Variants in PLIN3 observed in about 807,000 individuals in gnomAD.
PLIN3 encodes perilipin 3, also known as perilipin-3.
Under a neutral mutation model 35.9 loss-of-function variants are expected in PLIN3, and 30 were observed. That is an observed-to-expected ratio of 0.84 (90% CI 0.62 to 1.13). The LOEUF (loss-of-function observed/expected upper bound fraction) is 1.13, where lower values mean the gene tolerates loss of function less well. Among genes scored for constraint, PLIN3 ranks in the 50% most tolerant of loss-of-function variants. PLIN3 has a pLI of 0.00. For synonymous variants in PLIN3, 261 were observed against 262.5 expected (o/e 0.99, Z 0.06); for missense variants, 603 against 596.9 (o/e 1.01, Z -0.11).
At chr19:4,843,186 C>T (rs2029960446) in intron 7 of PLIN3, among the ~76,000 whole-genome samples, 1 of 150,072 alleles carries the variant, frequency 6.7e-6, no homozygotes, top group African/African-American at 2.5e-5. Flanking sequence ...TGTGCCACTG[C>T]ACTCCAGCCT....
intron 6 of PLIN3, among the ~76,000 whole-genome samples, chr19:4,845,022 C>T (rs1044774553): frequency 2.6e-5 from 4 of 152,152 alleles, no homozygotes; most frequent in African/African-American, 9.6e-5. Flanking sequence ...CTGCACATCC[C>T]CTGTAGCTCT....
At chr19:4,862,726 C>T (rs1411479006) in intron 1 of PLIN3, among the ~76,000 whole-genome samples, 3 of 152,204 alleles carry the variant, frequency 2.0e-5, no homozygotes, top group Non-Finnish European at 4.4e-5. Flanking sequence ...TTCCAAGAGC[C>T]ATCTTCCCCT....
At position 4,852,224 on chromosome 19, in the gene PLIN3, C is replaced by G. The variant is rs35640392; in HGVS notation, c.426G>C (p.Thr142=). Residue 142 remains threonine (T), a synonymous_variant, in exon 5 of 8, where the codon ACG becomes ACC. Transcript: ENST00000221957. ...AQEMVSSAKD[T]VATQLSEAVD... ...CCGCCTCCGACAATTGGGTGGCCAC[C>G]GTGTCCTTGGCGCTAGACACCATCT... The G allele has an allele frequency of 1.2e-6, 2 of 1,611,220 alleles. No homozygotes were observed. The highest frequency in any genetic ancestry group is 1.3e-5 in the African/African-American group (1 of 75,042).
chr19:4,851,532 C>T (rs1350870310), intron 5 of PLIN3, among the ~76,000 whole-genome samples: 9 of 151,950 alleles, frequency 5.9e-5, no homozygotes, highest in Non-Finnish European at 1.2e-4. Flanking sequence ...AATATGTGAC[C>T]GAGATGACTG....
intron 1 of PLIN3, among the ~76,000 whole-genome samples, chr19:4,866,261 G>C (rs553828013): frequency 6.6e-6 from 1 of 151,938 alleles, no homozygotes; most frequent in Admixed American, 6.6e-5. Flanking sequence ...CAAATGATCC[G>C]CCCACCTCAG....
intron 7 of PLIN3, among the ~76,000 whole-genome samples, chr19:4,842,891 A>G (rs1286306948): frequency 1.3e-5 from 2 of 152,082 alleles, no homozygotes; most frequent in African/African-American, 2.4e-5. Context: ...AGCCCTTACT[A>G]TGTGCTTTTG....
At chr19:4,851,932 G>C in intron 5 of PLIN3, 84 bp downstream of exon 5, 2 of 1,422,588 alleles carry the variant, frequency 1.4e-6, no homozygotes. Flanking sequence ...AGTGAGTGTC[G>C]GCACAGACCC....
intron 4 of PLIN3, among the ~76,000 whole-genome samples, chr19:4,852,513 T>C (rs11881908): frequency 0.87 from 131,862 of 152,182 alleles, 57,194 homozygotes; most frequent in Admixed American, 0.92. Flanking sequence ...CAGGTGACCC[T>C]GAGTCTGGAG....
At chr19:4,854,255 C>T (rs1022023579) in intron 4 of PLIN3, among the ~76,000 whole-genome samples, 2 of 152,072 alleles carry the variant, frequency 1.3e-5, no homozygotes, top group Admixed American at 6.6e-5. Flanking sequence ...TTAGACAGAT[C>T]TCTATGCAGA....
intron 6 of PLIN3, among the ~76,000 whole-genome samples, chr19:4,846,039 A>G (rs545682612): frequency 6.6e-6 from 1 of 151,668 alleles, no homozygotes; most frequent in East Asian, 1.9e-4. Context: ...CCTGGCTAAC[A>G]CTGTGAAACC....
chr19:4,867,530 G>T (rs75095181), intron 1 of PLIN3, 79 bp downstream of exon 1: 4,483 of 144,480 alleles, frequency 0.031, 86 homozygotes, highest in Middle Eastern at 0.07. Flanking sequence ...GGCCCTCCCC[G>T]ACCCCTCCGG....
chr19:4,840,514 A>G (rs1330475151), intron 7 of PLIN3, among the ~76,000 whole-genome samples: 1 of 152,122 alleles, frequency 6.6e-6, no homozygotes, highest in Non-Finnish European at 1.5e-5. Flanking sequence ...CAGCCTCCCA[A>G]AATGCTGGAA....
At chr19:4,854,387 GAGTCA>G (rs1279821137) in intron 4 of PLIN3, among the ~76,000 whole-genome samples, 1 of 144,290 alleles carries the variant, frequency 6.9e-6, no homozygotes, top group Non-Finnish European at 1.5e-5. Context: ...GAGGGTGTGA[GAGTCA>G]AGTTTTTTGT....
Position 4,847,788 on chromosome 19 carries a change from A to G in PLIN3, c.737T>C (p.Leu246Pro). The G allele has an allele frequency of 1.2e-6, 2 of 1,613,696 alleles. No homozygotes were observed. Among genetic ancestry groups the G allele is most frequent in the Non-Finnish European group, 1.7e-6 (2 of 1,179,914 alleles). ...CGAGTGCTCATAGGCGTGCTGCCGC[A>G]GCCTCTCCGACAGGGAGCCCAGACG... ...FVRLGSLSER[L>P]RQHAYEHSLG... The change falls in exon 6 of 8, where the codon CTG (leucine) becomes CCG (proline). Residue 246 changes from leucine to proline, a missense_variant. Transcript: ENST00000221957.
chr19:4,844,983 A>G (rs1029395696), intron 6 of PLIN3, among the ~76,000 whole-genome samples, 190 bp from the exon 7 acceptor site: 3 of 152,140 alleles, frequency 2.0e-5, no homozygotes, highest in African/African-American at 7.2e-5. Flanking sequence ...TGACATACTC[A>G]GGCTCTGTGT....
intron 7 of PLIN3, among the ~76,000 whole-genome samples, chr19:4,844,196 G>C (rs186731428): frequency 6.6e-6 from 1 of 152,202 alleles, no homozygotes; most frequent in East Asian, 1.9e-4. Context: ...GGGCTCAGTA[G>C]CTCACGCTTG....
At chr19:4,845,847 C>A (rs1244436594) in intron 6 of PLIN3, among the ~76,000 whole-genome samples, 3 of 146,618 alleles carry the variant, frequency 2.0e-5, no homozygotes, top group Non-Finnish European at 4.5e-5. Flanking sequence ...TGGTGTGAAC[C>A]AAGGAGGCAG....
intron 4 of PLIN3, among the ~76,000 whole-genome samples, chr19:4,853,814 A>C (rs141254895): frequency 0.017 from 2,602 of 150,570 alleles, 34 homozygotes; most frequent in Non-Finnish European, 0.029. Flanking sequence ...CTCTGTCTCC[A>C]AAAAAAAACA....
Position 4,839,096 on chromosome 19 carries a change from T to A in PLIN3, c.*96A>T. On this transcript the variant is annotated 3_prime_UTR_variant, in exon 8 of 8. Coordinates refer to ENST00000221957, the MANE Select transcript of PLIN3 (RefSeq NM_005817.5). ...GACAGCACAGAAGAGCTGGGAGGAGTGGCTAGAAAATAAGTTTGAAATGAG... is the reference window on the plus strand; with the variant it reads ...GACAGCACAGAAGAGCTGGGAGGAGAGGCTAGAAAATAAGTTTGAAATGAG... 2.0e-6 allele frequency: 2 copies of A among 988,286 alleles called. No individual in the cohort carries two copies. The highest frequency in any genetic ancestry group is 1.6e-5 in the South Asian group (1 of 61,816). 61.2% of individuals were successfully genotyped at this position (988,286 alleles called of 1,614,324 possible).
Sources: allele counts gnomAD v4.1 joint callset (sites outside exome capture counted in the v4.1 genomes callset), GRCh38; gene constraint gnomAD v4.1.1; transcripts MANE v1.5; gene names NCBI Gene and HGNC (gene_info 2026-07-23, HGNC 2026-07-21).